IKBKE: variants seen among roughly 807,000 people sequenced by gnomAD.
IKBKE encodes inhibitor of nuclear factor kappa-B kinase subunit epsilon.
Under a neutral mutation model 92.1 loss-of-function variants are expected in IKBKE, and 45 were observed. That is an observed-to-expected ratio of 0.49 (90% CI 0.38 to 0.63). The LOEUF (loss-of-function observed/expected upper bound fraction) is 0.63, where lower values mean the gene tolerates loss of function less well. Among genes scored for constraint, IKBKE ranks in the 20% least tolerant of loss-of-function variants. The pLI, the probability that IKBKE is intolerant of heterozygous loss-of-function variation, is 0.00. For synonymous variants in IKBKE, 374 were observed against 380.3 expected (o/e 0.98, Z 0.19); for missense variants, 700 against 932.8 (o/e 0.75, Z 3.25).
intron 20 of IKBKE, 114 bp from the exon 21 acceptor site, chr1:206,493,806 A>C (rs1553391379): frequency 2.7e-6 from 2 of 741,942 alleles, no homozygotes. Context: ...CAAACAAAAA[A>C]GAATAAAGAG....
chr1:206,492,224 G>A, intron 18 of IKBKE: 1 of 353,486 alleles, frequency 2.8e-6, no homozygotes, highest in South Asian at 2.2e-5. Flanking sequence ...AGTGGCAGTG[G>A]CCCTTAAGTA....
chr1:206,490,434 C>A lies in IKBKE; in HGVS notation c.1694-385C>A, dbSNP rs1207492529. Among the ~76,000 whole-genome samples, 2 of 152,138 alleles carry A rather than the reference C, an allele frequency of 1.3e-5. No homozygotes were observed. The highest frequency in any genetic ancestry group is 4.8e-5 in the African/African-American group (2 of 41,424). On this transcript the variant is annotated intron_variant, in intron 16 of 21. Transcript: ENST00000581977. This position sits in a 1 kb window ranked among gnomAD's most constrained non-coding sequence, Gnocchi z 5.2. ...CGCCCATGAACATTCAGGGATGGGA[C>A]CACCCAGCTGCAGGCATCAGTCACT...
intron 7 of IKBKE, among the ~76,000 whole-genome samples, chr1:206,477,228 T>C (rs566978718): frequency 7.9e-5 from 12 of 152,182 alleles, no homozygotes; most frequent in Middle Eastern, 3.4e-3. Flanking sequence ...GACAGGGAAG[T>C]AGCAAGTGGC....
At chr1:206,493,724 G>A (rs1553391338) in intron 20 of IKBKE, among the ~76,000 whole-genome samples, 196 bp from the exon 21 acceptor site, 1 of 152,236 alleles carries the variant, frequency 6.6e-6, no homozygotes, top group African/African-American at 2.4e-5. Flanking sequence ...AGGAGGCAGA[G>A]GTTGCAGTGA....
rs564048291 is a variant in IKBKE, at chr1:206,481,689, G to A, written c.1427+1156G>A. On this transcript the variant is annotated intron_variant, in intron 13 of 21. Transcript: ENST00000581977. ...CAGCTAGCCCTTCCTGGACATGTGA[G>A]GGCTGATGGGATTGTTGGGTAAGAG... Among the ~76,000 whole-genome samples, 38 of 151,526 alleles carry A rather than the reference G, an allele frequency of 2.5e-4. 1 individual carries two copies. The highest frequency in any genetic ancestry group is 5.0e-4 in the Non-Finnish European group (34 of 67,828).
chr1:206,479,767 T>G, intron 10 of IKBKE, 103 bp from the exon 11 acceptor site: 1 of 1,207,630 alleles, frequency 8.3e-7, no homozygotes, highest in South Asian at 1.3e-5. Context: ...AAGCCTGAGG[T>G]GGGAGATTGG....
Position 206,490,361 on chromosome 1 carries a change from G to A in IKBKE, c.1694-458G>A, listed in dbSNP as rs1446218778. Reference sequence around the variant, plus strand: ...TCTGGCAAAAGTGGCTGGGCAGAGCGGGGAGGTAGAAGGTGGTGGCCTGAT... The same window carrying A: ...TCTGGCAAAAGTGGCTGGGCAGAGCAGGGAGGTAGAAGGTGGTGGCCTGAT... On this transcript the variant is annotated intron_variant, in intron 16 of 21. Coordinates refer to ENST00000581977, the MANE Select transcript of IKBKE (RefSeq NM_014002.4). This position sits in a 1 kb window ranked among gnomAD's most constrained non-coding sequence, Gnocchi z 5.2. Among the ~76,000 whole-genome samples the A allele has an allele frequency of 1.3e-5, 2 of 152,232 alleles. No homozygotes were observed. The highest frequency in any genetic ancestry group is 6.5e-5 in the Admixed American group (1 of 15,290).
intron 15 of IKBKE, among the ~76,000 whole-genome samples, chr1:206,486,023 G>C (rs11118132): frequency 0.5 from 75,587 of 152,092 alleles, 21,640 homozygotes; most frequent in African/African-American, 0.78. Flanking sequence ...TCATCCCATG[G>C]CCTCAATTCT....
At chr1:206,488,078 C>T in intron 16 of IKBKE, 88 bp downstream of exon 16, 1 of 967,350 alleles carries the variant, frequency 1.0e-6, no homozygotes. Context: ...TACCAGTGGC[C>T]ACTAACCTCC....
At chr1:206,489,365 GTGTGTATATATATATATATATATATATA>G (rs1665822650) in intron 16 of IKBKE, among the ~76,000 whole-genome samples, 1 of 29,422 alleles carries the variant, frequency 3.4e-5, no homozygotes, top group African/African-American at 8.1e-5. Flanking sequence ...GTGTGTGTGT[GTGTGTATATATATATATATATATATATA>G]TATATATACA....
intron 2 of IKBKE, among the ~76,000 whole-genome samples, chr1:206,471,735 C>T (rs1319557603): frequency 6.6e-6 from 1 of 152,212 alleles, no homozygotes; most frequent in Non-Finnish European, 1.5e-5. Context: ...ATGTCCGCTC[C>T]TACCTGATCT....
chr1:206,484,899 C>T lies in IKBKE; in HGVS notation c.1428-98C>T. 4.1e-6 allele frequency: 4 copies of T among 975,898 alleles called. No individual in the cohort carries two copies. The Admixed American group carries it at 5.4e-5, about 13-fold the overall frequency. 60.5% of individuals were successfully genotyped at this position (975,898 alleles called of 1,614,324 possible). A position where few individuals can be genotyped will look rare whatever the true frequency, so the allele number is the denominator to read the frequency against. On this transcript the variant is annotated intron_variant, in intron 13 of 21. Transcript: ENST00000581977. ...CCGGAGAGCCACCAAGGCTGTCCCA[C>T]AGATGCTATGCCCAGCATGTGCCAA...
At position 206,485,281 on chromosome 1, in the gene IKBKE, C is replaced by G. The variant is rs782500380; in HGVS notation, c.1591C>G (p.Arg531Gly). 3 of 1,612,148 alleles carry G rather than the reference C, an allele frequency of 1.9e-6. No individual in the cohort carries two copies. Among genetic ancestry groups the G allele is most frequent in the Non-Finnish European group, 1.7e-6 (2 of 1,178,176 alleles). ...CCTGAACCGGGAGCTGGTGAAGAGC[C>G]GGGATCAGGTACATGAGGACAGAAG... ...SSLNRELVKS[R>G]DQVHEDRSIQ... is the part of the protein sequence containing the mutation. Residue 531 changes from arginine (R) to glycine (G), a missense_variant, in exon 15 of 22, where the codon CGG becomes GGG. Coordinates refer to ENST00000581977, the MANE Select transcript of IKBKE (RefSeq NM_014002.4). The surrounding 1 kb of genome is among the most constrained non-coding windows in gnomAD (Gnocchi z 5.0).
chr1:206,483,863 G>A (rs1267845261), intron 13 of IKBKE, among the ~76,000 whole-genome samples: 7 of 152,162 alleles, frequency 4.6e-5, no homozygotes, highest in Non-Finnish European at 8.8e-5. Flanking sequence ...CTCATCTAGA[G>A]CTTCCCCTTG....
rs1285966644 is a variant in IKBKE at position 206,480,599 on chromosome 1, A to G, written c.1427+66A>G. 4.4e-6 allele frequency: 5 copies of G among 1,147,382 alleles called. No homozygotes were observed. In the Admixed American group the frequency reaches 8.3e-5, roughly 19 times the overall value. 71.1% of individuals were successfully genotyped at this position (1,147,382 alleles called of 1,614,324 possible). Reference sequence around the variant, plus strand: ...GCCTTGTCTGCTCCTCACCCTAGATACTTCCAACAATGCACCTCTTCTCCC... The same window carrying G: ...GCCTTGTCTGCTCCTCACCCTAGATGCTTCCAACAATGCACCTCTTCTCCC... On this transcript the variant is annotated intron_variant, in intron 13 of 21. Coordinates refer to ENST00000581977, the MANE Select transcript of IKBKE (RefSeq NM_014002.4).
intron 5 of IKBKE, 32 bp downstream of exon 5, chr1:206,475,026 C>G (rs1183680565): frequency 6.2e-7 from 1 of 1,611,682 alleles, no homozygotes; most frequent in Non-Finnish European, 8.5e-7. Flanking sequence ...CCTCCACCCT[C>G]AGACCAGCGG....
In IKBKE at chr1:206,493,387, TGG is replaced by T; in HGVS notation, c.2045+12_2045+13del. 1 of 1,598,588 alleles carries T rather than the reference TGG, an allele frequency of 6.3e-7. No homozygotes were observed. The highest frequency in any genetic ancestry group is 8.6e-7 in the Non-Finnish European group (1 of 1,166,110). ...AAGGACCTGCTTCTCCAGTAAGTGC[TGG>T]GGAGAAAGCGGTTGTGTATCTGTGT... On this transcript the variant is annotated intron_variant, in intron 20 of 21. Transcript: ENST00000581977.
In IKBKE at chr1:206,496,139, T is replaced by G. The variant is rs782589733; in HGVS notation, c.2145T>G (p.Asp715Glu). ...ERLNRVPAPP[D>E]V ...TAAATAGAGTCCCAGCACCTCCTGA[T>G]GTCTGAGCTCCATGGGGCACATGAG... Residue 715 changes from aspartate (D) to glutamate (E), a missense_variant, in exon 22 of 22, where the codon GAT becomes GAG. Transcript: ENST00000581977. 32 of 1,612,968 alleles carry G rather than the reference T, an allele frequency of 2.0e-5. No individual in the cohort carries two copies. The Middle Eastern group carries it at 4.9e-4, about 25-fold the overall frequency.
intron 10 of IKBKE, among the ~76,000 whole-genome samples, chr1:206,479,396 A>G (rs17433930): frequency 0.057 from 8,606 of 152,126 alleles, 355 homozygotes; most frequent in Middle Eastern, 0.078. Flanking sequence ...ATCTGGATTT[A>G]ATGCACTTTC....
Sources: gnomAD v4.1 joint callset for allele counts (sites outside exome capture counted in the v4.1 genomes callset) on GRCh38, gnomAD v4.1.1 for gene constraint, Gnocchi (gnomAD v3.1) non-coding constraint, MANE v1.5 for transcripts, NCBI Gene and HGNC (gene_info 2026-07-23, HGNC 2026-07-21) for gene names.